The following CORIN variants were observed in gnomAD, a reference collection of about 807,000 sequenced individuals.
The protein encoded by CORIN is corin, serine peptidase, also known as atrial natriuretic peptide-converting enzyme.
In CORIN, 117 loss-of-function variants were observed where a neutral mutation model predicts 125.3. The ratio of observed to expected loss-of-function variants is 0.93; its 90% CI spans 0.80 to 1.09. CORIN has a LOEUF of 1.09. CORIN is among the 50% of genes least tolerant of loss of function. The pLI is 0.00. For missense variants in CORIN, 1,253 were observed against 1,306.7 expected, an observed-to-expected ratio of 0.96 and a Z score of 0.63; for synonymous variants, 450 against 466.4, an observed-to-expected ratio of 0.96 and a Z score of 0.45.
intron 19 of CORIN, among the ~76,000 whole-genome samples, chr4:47,614,041 G>A (rs1296035088): frequency 6.6e-6 from 1 of 152,090 alleles, no homozygotes; most frequent in Admixed American, 6.5e-5. Context: ...GAAACAAAGT[G>A]GGAAAAATAA....
At position 47,826,812 on chromosome 4, in the gene CORIN, C is replaced by T. The variant is rs551411268; in HGVS notation, c.63+11075G>A. ...TCGGAACATCTCGCTCCATAAAGCC[C>T]TGTACCCTCTAATGCCATAGACACT... On this transcript the variant is annotated intron_variant, in intron 1 of 21. Transcript: ENST00000273857. Among the ~76,000 whole-genome samples the T allele has an allele frequency of 1.8e-4, 28 of 152,172 alleles. 1 individual carries two copies. In the South Asian group the frequency reaches 5.8e-3, roughly 32 times the overall value.
intron 16 of CORIN, among the ~76,000 whole-genome samples, chr4:47,641,631 A>T (rs1481254499): frequency 6.6e-6 from 1 of 152,198 alleles, no homozygotes; most frequent in Non-Finnish European, 1.5e-5. Flanking sequence ...CTCAAAGGAA[A>T]TGATTGTAAT....
intron 11 of CORIN, among the ~76,000 whole-genome samples, chr4:47,664,804 A>C (rs1288304585): frequency 6.6e-6 from 1 of 152,204 alleles, no homozygotes. Context: ...CACATAAACT[A>C]TCATCAAAGG....
At chr4:47,732,226 G>C (rs2109816278) in intron 5 of CORIN, among the ~76,000 whole-genome samples, 1 of 152,290 alleles carries the variant, frequency 6.6e-6, no homozygotes, top group South Asian at 2.1e-4. Flanking sequence ...AGGGTGGCCA[G>C]GGCAGTGACA....
chr4:47,775,190 T>G (rs922234043), intron 3 of CORIN, among the ~76,000 whole-genome samples: 3 of 152,056 alleles, frequency 2.0e-5, no homozygotes, highest in African/African-American at 4.8e-5. Context: ...TGTTGTTGTT[T>G]TTTTAATAAT....
chr4:47,602,338 C>T (rs1721480728), intron 20 of CORIN, among the ~76,000 whole-genome samples: 1 of 152,070 alleles, frequency 6.6e-6, no homozygotes, highest in South Asian at 2.1e-4. Context: ...TGAGAGAGTC[C>T]ATTATAGGGG....
At chr4:47,637,366 G>A (rs972122478) in intron 16 of CORIN, among the ~76,000 whole-genome samples, 1 of 152,182 alleles carries the variant, frequency 6.6e-6, no homozygotes, top group Non-Finnish European at 1.5e-5. Context: ...AAGTAACGAG[G>A]AGCAGAATGT....
At chr4:47,632,763 A>G (rs1722881012) in intron 16 of CORIN, among the ~76,000 whole-genome samples, 1 of 135,762 alleles carries the variant, frequency 7.4e-6, no homozygotes, top group Non-Finnish European at 1.6e-5. Context: ...AGATAGATAG[A>G]TAGAGATAGA....
chr4:47,827,310 C>T (rs1049526037), intron 1 of CORIN, among the ~76,000 whole-genome samples: 9 of 152,014 alleles, frequency 5.9e-5, no homozygotes, highest in Admixed American at 2.6e-4. Flanking sequence ...ACTAGATAAG[C>T]GTAACAATAA....
intron 19 of CORIN, among the ~76,000 whole-genome samples, chr4:47,611,259 C>G (rs1484273670): frequency 2.6e-5 from 4 of 152,132 alleles, no homozygotes; most frequent in African/African-American, 9.7e-5. Context: ...TTTGTGTCCT[C>G]TCTGATTTCC....
At chr4:47,675,865 G>A (rs572580477) in intron 9 of CORIN, among the ~76,000 whole-genome samples, 4 of 152,222 alleles carry the variant, frequency 2.6e-5, no homozygotes, top group South Asian at 2.1e-4. Context: ...GTGCTACCAC[G>A]CCCAGCTAAA....
intron 19 of CORIN, among the ~76,000 whole-genome samples, chr4:47,604,814 G>GAT (rs1721584971): frequency 6.6e-6 from 1 of 151,976 alleles, no homozygotes. Context: ...TTACTATCAG[G>GAT]ATATATATTG....
At chr4:47,775,357 A>C (rs1348571117) in intron 3 of CORIN, among the ~76,000 whole-genome samples, 1 of 151,690 alleles carries the variant, frequency 6.6e-6, no homozygotes, top group East Asian at 1.9e-4. Context: ...TCCTAATGCT[A>C]TCTCTCCCCC....
chr4:47,793,153 C>G (rs975933228), intron 2 of CORIN, among the ~76,000 whole-genome samples: 3 of 152,144 alleles, frequency 2.0e-5, no homozygotes, highest in Non-Finnish European at 2.9e-5. Context: ...ACCAGACTCC[C>G]CCACAATGCT....
At chr4:47,632,464 G>C (rs1374949763) in intron 16 of CORIN, 1 of 152,096 alleles carries the variant, frequency 6.6e-6, no homozygotes, top group East Asian at 1.9e-4. Flanking sequence ...GGGTCCCACA[G>C]ATTTGACATA....
At chr4:47,702,585 T>G (rs1726353288) in intron 5 of CORIN, among the ~76,000 whole-genome samples, 1 of 152,230 alleles carries the variant, frequency 6.6e-6, no homozygotes, top group South Asian at 2.1e-4. Flanking sequence ...GTTAACAATT[T>G]GTGGACTTCA....
intron 3 of CORIN, among the ~76,000 whole-genome samples, chr4:47,769,049 A>G (rs1577906951): frequency 6.6e-6 from 1 of 152,346 alleles, no homozygotes; most frequent in African/African-American, 2.4e-5. Context: ...TTGTAACAAC[A>G]TGATCTTATA....
At chr4:47,767,320 C>G (rs73150642) in intron 3 of CORIN, among the ~76,000 whole-genome samples, 3 of 151,360 alleles carry the variant, frequency 2.0e-5, no homozygotes, top group Non-Finnish European at 4.4e-5. Flanking sequence ...TCCACCCACA[C>G]GCACAGAATA....
At chr4:47,751,308 T>C (rs561572609) in intron 4 of CORIN, among the ~76,000 whole-genome samples, 133 of 152,308 alleles carry the variant, frequency 8.7e-4, no homozygotes, top group Non-Finnish European at 1.6e-3. Flanking sequence ...TTTGACTGCA[T>C]ATACATTATG....
Sources: allele counts gnomAD v4.1 joint callset (sites outside exome capture counted in the v4.1 genomes callset), GRCh38; gene constraint gnomAD v4.1.1; transcripts MANE v1.5; gene names NCBI Gene and HGNC (gene_info 2026-07-23, HGNC 2026-07-21).